USH2A: variants seen among roughly 807,000 people sequenced by gnomAD.
The protein encoded by USH2A is Usher syndrome 2A (autosomal recessive, mild).
Under a neutral mutation model 538.9 loss-of-function variants are expected in USH2A, and 443 were observed. The observed-to-expected ratio is 0.82, with a 90% confidence interval of 0.76 to 0.89. USH2A has a LOEUF of 0.89. USH2A is among the 40% of genes least tolerant of loss of function. The pLI, the probability that USH2A is intolerant of heterozygous loss-of-function variation, is 0.00. For missense variants in USH2A, 6,633 were observed against 6,324.8 expected, an observed-to-expected ratio of 1.05 and a Z score of -1.65; for synonymous variants, 2,413 against 2,273.5, an observed-to-expected ratio of 1.06 and a Z score of -1.75.
At chr1:216,129,972 TAATA>T (rs1156262101) in intron 21 of USH2A, among the ~76,000 whole-genome samples, 2 of 152,054 alleles carry the variant, frequency 1.3e-5, no homozygotes, top group East Asian at 3.9e-4. Context: ...ACAGTCTCAT[TAATA>T]AATGATGCTG....
chr1:215,882,522 A>G (rs1664939323), intron 41 of USH2A, among the ~76,000 whole-genome samples: 1 of 151,232 alleles, frequency 6.6e-6, no homozygotes, highest in Non-Finnish European at 1.5e-5. Flanking sequence ...TCAGACAGAG[A>G]AAGAGTACAA....
Position 216,169,874 on chromosome 1 carries a change from C to A in USH2A, c.4627+5378G>T, listed in dbSNP as rs565740892. ...GTTTTTCAATAACTAGGGCTGAAAT[C>A]TAACATCAAAGGTTAGGTAAAATTT... is the stretch of plus-strand genomic sequence containing the variant. On this transcript the variant is annotated intron_variant, in intron 21 of 71. Coordinates refer to ENST00000307340, the MANE Select transcript of USH2A (RefSeq NM_206933.4). Among the ~76,000 whole-genome samples, 10 of 152,126 alleles carry A rather than the reference C, an allele frequency of 6.6e-5. No individual in the cohort carries two copies. In the South Asian group the frequency reaches 2.1e-3, roughly 32 times the overall value.
intron 61 of USH2A, among the ~76,000 whole-genome samples, chr1:215,702,182 A>T (rs966153883): frequency 1.5e-4 from 23 of 152,226 alleles, no homozygotes; most frequent in Admixed American, 1.5e-3. Context: ...TTCTGCAGAC[A>T]GATCCACTGT....
intron 37 of USH2A, among the ~76,000 whole-genome samples, chr1:215,960,343 C>G (rs1195658478): frequency 6.6e-6 from 1 of 152,040 alleles, no homozygotes; most frequent in Non-Finnish European, 1.5e-5. Context: ...CAAACTTACA[C>G]ATTTGTTTTA....
chr1:216,209,110 T>TA (rs1327339359), intron 15 of USH2A, among the ~76,000 whole-genome samples: 4 of 152,312 alleles, frequency 2.6e-5, no homozygotes, highest in Middle Eastern at 3.4e-3. Flanking sequence ...CAGGTCTTTC[T>TA]AAAAATAAGC....
chr1:216,024,402 G>A (rs919109667), intron 32 of USH2A, among the ~76,000 whole-genome samples: 2 of 152,026 alleles, frequency 1.3e-5, no homozygotes, highest in Non-Finnish European at 2.9e-5. Context: ...TTGTAAAGGA[G>A]AATGCATTAT....
intron 43 of USH2A, among the ~76,000 whole-genome samples, chr1:215,875,864 TATTA>T (rs1358739714): frequency 6.8e-6 from 1 of 146,674 alleles, no homozygotes; most frequent in Non-Finnish European, 1.5e-5. Context: ...TTAATATATA[TATTA>T]ATTATATATA....
At chr1:216,330,641 T>G (rs1244619944) in intron 4 of USH2A, among the ~76,000 whole-genome samples, 1 of 151,892 alleles carries the variant, frequency 6.6e-6, no homozygotes, top group African/African-American at 2.4e-5. Flanking sequence ...AGGTACAAAT[T>G]GTTATATATA....
chr1:216,075,510 C>T (rs566937365), intron 27 of USH2A, among the ~76,000 whole-genome samples: 7 of 152,308 alleles, frequency 4.6e-5, no homozygotes, highest in South Asian at 4.1e-4. Context: ...GCCTAAAAGG[C>T]GGCCCAGAGC....
chr1:216,381,791 T>G (rs965354323), intron 3 of USH2A, among the ~76,000 whole-genome samples: 8 of 152,172 alleles, frequency 5.3e-5, no homozygotes, highest in Non-Finnish European at 2.9e-5. Flanking sequence ...CTTCAAGGGA[T>G]TGGTTCCAGG....
At chr1:216,194,783 A>G in intron 19 of USH2A, among the ~76,000 whole-genome samples, 1 of 152,114 alleles carries the variant, frequency 6.6e-6, no homozygotes, top group Non-Finnish European at 1.5e-5. Flanking sequence ...TCCACATTTG[A>G]GAATACTGTT....
At chr1:216,376,058 A>G (rs564341427) in intron 3 of USH2A, among the ~76,000 whole-genome samples, 1 of 152,268 alleles carries the variant, frequency 6.6e-6, no homozygotes, top group South Asian at 2.1e-4. Flanking sequence ...ATCACAGACC[A>G]CCATAACAGC....
chr1:216,017,553 T>G (rs1017505209), intron 32 of USH2A, among the ~76,000 whole-genome samples: 4 of 152,198 alleles, frequency 2.6e-5, no homozygotes, highest in African/African-American at 9.6e-5. Context: ...TAAGAAAATA[T>G]TCATGTGACA....
At chr1:216,073,865 T>C (rs573527048) in intron 27 of USH2A, among the ~76,000 whole-genome samples, 43 of 152,356 alleles carry the variant, frequency 2.8e-4, no homozygotes, top group African/African-American at 1.0e-3. Context: ...TTCAGAGGTA[T>C]AGAATTTAGC....
chr1:216,243,612 A>G (rs542606154), intron 13 of USH2A, among the ~76,000 whole-genome samples: 2 of 152,306 alleles, frequency 1.3e-5, no homozygotes, highest in East Asian at 3.9e-4. Flanking sequence ...CAGCTTAAAG[A>G]TAAATCTGCT....
intron 47 of USH2A, among the ~76,000 whole-genome samples, chr1:215,820,488 T>C (rs1662980942): frequency 6.6e-6 from 1 of 151,698 alleles, no homozygotes; most frequent in Non-Finnish European, 1.5e-5. Flanking sequence ...TATTTCAGGG[T>C]CCATGTGAGA....
chr1:215,909,615 G>GA (rs1665725355), intron 38 of USH2A, among the ~76,000 whole-genome samples: 1 of 151,768 alleles, frequency 6.6e-6, no homozygotes, highest in Admixed American at 6.6e-5. Context: ...CATTTAATGA[G>GA]AAAAAAAGAA....
intron 13 of USH2A, among the ~76,000 whole-genome samples, chr1:216,234,945 A>C (rs1334940993): frequency 2.0e-5 from 3 of 152,122 alleles, no homozygotes; most frequent in African/African-American, 7.2e-5. Context: ...AAAAGACTGC[A>C]TGGGAATTTG....
chr1:215,669,996 A>G (rs1274525156), intron 64 of USH2A, among the ~76,000 whole-genome samples: 4 of 152,342 alleles, frequency 2.6e-5, no homozygotes, highest in African/African-American at 9.6e-5. Context: ...TACATCAGTC[A>G]GTAAGCTTTC....
Sources: allele counts gnomAD v4.1 joint callset (sites outside exome capture counted in the v4.1 genomes callset), GRCh38; gene constraint gnomAD v4.1.1; transcripts MANE v1.5; gene names NCBI Gene and HGNC (gene_info 2026-07-23, HGNC 2026-07-21).